Variants in USP53 observed in about 807,000 individuals in gnomAD.
USP53 encodes ubiquitin carboxyl-terminal hydrolase 53.
A neutral mutation model predicts 94.9 loss-of-function variants in USP53; 71 were observed. The ratio of observed to expected loss-of-function variants is 0.75; its 90% CI spans 0.62 to 0.91. The LOEUF (loss-of-function observed/expected upper bound fraction) is 0.91, where lower values mean the gene tolerates loss of function less well. USP53 is among the 40% of genes least tolerant of loss of function. The pLI is 0.00. For missense variants in USP53, 1,173 were observed against 1,281.0 expected (o/e 0.92, Z 1.29); for synonymous variants, 375 against 422.7 (o/e 0.89, Z 1.39).
intron 3 of USP53, chr4:119,220,256 A>C (rs1744333149): frequency 6.6e-6 from 1 of 152,152 alleles, no homozygotes; most frequent in Non-Finnish European, 1.5e-5. Flanking sequence ...ATGGTTTAAA[A>C]AATTATTTAT....
Position 119,292,510 on chromosome 4 carries a change from T to G in USP53, c.2521T>G (p.Leu841Val), listed in dbSNP as rs556710037. ...TATAGAAAATTCTGAGAGAACAGGTTTGCCTTTTCACGTTGATAACTCTGC... is the reference window on the plus strand; with the variant it reads ...TATAGAAAATTCTGAGAGAACAGGTGTGCCTTTTCACGTTGATAACTCTGC... ...LNIENSERTG[L>V]PFHVDNSASG... The change falls in exon 19 of 19, where the codon TTG becomes GTG. Residue 841 changes from leucine (L) to valine (V), a missense_variant. Leu to Val is a conservative substitution (Grantham distance 32). Coordinates refer to ENST00000692078, the MANE Select transcript of USP53 (RefSeq NM_001371395.1). 5.7e-5 allele frequency: 92 copies of G among 1,613,986 alleles called. No individual in the cohort carries two copies. The East Asian group carries it at 2.0e-3, about 36-fold the overall frequency.
chr4:119,265,193 A>C (rs6849889), intron 12 of USP53, among the ~76,000 whole-genome samples: 44,894 of 152,068 alleles, frequency 0.3, 6,749 homozygotes, highest in East Asian at 0.39. Flanking sequence ...TCAAAACTCA[A>C]TGACTTGTAC....
chr4:119,259,687 G>T (rs1315385653), intron 9 of USP53, 133 bp from the exon 10 acceptor site: 15 of 574,808 alleles, frequency 2.6e-5, no homozygotes, highest in South Asian at 9.4e-5. Flanking sequence ...GTACTTTATG[G>T]TTAATTTTTC....
In USP53 at chr4:119,293,183, G is replaced by A. The variant is rs777470248; in HGVS notation, c.3194G>A (p.Ser1065Asn). 6 of 1,605,024 alleles carry A rather than the reference G, an allele frequency of 3.7e-6. No individual in the cohort carries two copies. Among genetic ancestry groups the A allele is most frequent in the South Asian group, 3.3e-5 (3 of 90,110 alleles). ...CCCAAGCTCTCTTTTCCAGAGAGCA[G>A]TGGCTTTTGTAATAATTCACTATCT... is the stretch of plus-strand genomic sequence containing the variant. ...QRPKLSFPES[S>N]GFCNNSLS is the part of the protein sequence containing the mutation. The change falls in exon 19 of 19, where the codon AGT becomes AAT. Residue 1065 changes from serine to asparagine, a missense_variant. By Grantham distance (46) the Ser-to-Asn change is conservative. Coordinates refer to ENST00000692078, the MANE Select transcript of USP53 (RefSeq NM_001371395.1).
intron 7 of USP53, among the ~76,000 whole-genome samples, chr4:119,249,464 G>C (rs1321107377): frequency 6.6e-5 from 10 of 151,958 alleles, no homozygotes; most frequent in Admixed American, 6.6e-4. Flanking sequence ...CATTAATATT[G>C]ATGTCACCTA....
chr4:119,222,770 G>T (rs1744721940), intron 3 of USP53, among the ~76,000 whole-genome samples: 1 of 152,152 alleles, frequency 6.6e-6, no homozygotes, highest in African/African-American at 2.4e-5. Context: ...AAACATGGGA[G>T]TATAGACATC....
Position 119,295,321 on chromosome 4 carries a change from T to G in USP53, c.*2110T>G, listed in dbSNP as rs1191998060. 6.6e-6 allele frequency: 1 copy of G among 152,208 alleles called. No individual in the cohort carries two copies. The highest frequency in any genetic ancestry group is 1.5e-5 in the Non-Finnish European group (1 of 68,028). The allele number at this position is 152,208 out of a possible 1,614,324, so 9.4% of individuals were successfully genotyped here. ...CATATATACTAATCATTTTATTTCA[T>G]GTAAAAGTTTTACATCTAGGGTGCC... On this transcript the variant is annotated 3_prime_UTR_variant, in exon 19 of 19. Coordinates refer to ENST00000692078, the MANE Select transcript of USP53 (RefSeq NM_001371395.1).
Position 119,293,836 on chromosome 4 carries a change from A to T in USP53, c.*625A>T, listed in dbSNP as rs1172668502. 6.8e-6 allele frequency: 1 copy of T among 147,498 alleles called. No homozygotes were observed. Among genetic ancestry groups the T allele is most frequent in the African/African-American group, 2.5e-5 (1 of 39,934 alleles). 9.1% of individuals were successfully genotyped at this position (147,498 alleles called of 1,614,324 possible). ...ATCCCTTTAAGTGTCTTTAAAAAAA[A>T]TGACTTATGAATTTGATAGCATTTG... On this transcript the variant is annotated 3_prime_UTR_variant, in exon 19 of 19. Coordinates refer to ENST00000692078, the MANE Select transcript of USP53 (RefSeq NM_001371395.1).
At chr4:119,262,389 A>G (rs929649898) in intron 12 of USP53, among the ~76,000 whole-genome samples, 8 of 152,084 alleles carry the variant, frequency 5.3e-5, no homozygotes, top group African/African-American at 1.9e-4. Flanking sequence ...CCCACATACC[A>G]CTTTCGACTC....
intron 3 of USP53, among the ~76,000 whole-genome samples, chr4:119,223,764 C>T (rs560288875): frequency 6.6e-6 from 1 of 152,216 alleles, no homozygotes; most frequent in Admixed American, 6.5e-5. Context: ...GTATATAATT[C>T]CTAATTTTAG....
chr4:119,251,690 T>A (rs1749035561), intron 7 of USP53, among the ~76,000 whole-genome samples: 1 of 152,214 alleles, frequency 6.6e-6, no homozygotes, highest in African/African-American at 2.4e-5. Flanking sequence ...TTGCCTGATT[T>A]GACTTCATCT....
intron 3 of USP53, among the ~76,000 whole-genome samples, chr4:119,234,695 G>A (rs28734093): frequency 1.2e-3 from 181 of 152,252 alleles, no homozygotes; most frequent in African/African-American, 4.2e-3. Flanking sequence ...TTGTATGCAA[G>A]GTTTCAGGAT....
intron 3 of USP53, among the ~76,000 whole-genome samples, chr4:119,224,263 G>A (rs1220738048): frequency 6.6e-6 from 1 of 152,222 alleles, no homozygotes; most frequent in African/African-American, 2.4e-5. Context: ...CTCCCAAAGT[G>A]TTGGGATTAC....
chr4:119,233,052 T>C (rs148642870), intron 3 of USP53, among the ~76,000 whole-genome samples: 111 of 152,224 alleles, frequency 7.3e-4, no homozygotes, highest in African/African-American at 2.5e-3. Context: ...TGTATTTTGC[T>C]AGGAAATTAC....
intron 15 of USP53, among the ~76,000 whole-genome samples, chr4:119,270,049 A>G (rs568119817): frequency 8.5e-6 from 1 of 117,780 alleles, no homozygotes; most frequent in Admixed American, 8.3e-5. Flanking sequence ...AATTATATAT[A>G]ATTTATATAG....
chr4:119,280,497 T>G (rs1279721014), intron 17 of USP53, among the ~76,000 whole-genome samples: 1 of 152,104 alleles, frequency 6.6e-6, no homozygotes. Flanking sequence ...TTTATGTCTA[T>G]GGGAAATAGG....
intron 17 of USP53, among the ~76,000 whole-genome samples, chr4:119,277,586 G>C (rs1235980429): frequency 1.7e-5 from 2 of 115,318 alleles, no homozygotes; most frequent in African/African-American, 6.6e-5. Flanking sequence ...GTTGATTTGG[G>C]GTGGAGAGTT....
rs1486452327 is a variant in USP53, at chr4:119,295,226, T to C, written c.*2015T>C. 6.6e-6 allele frequency: 1 copy of C among 151,676 alleles called. No individual in the cohort carries two copies. Among genetic ancestry groups the C allele is most frequent in the Non-Finnish European group, 1.5e-5 (1 of 67,892 alleles). 9.4% of individuals were successfully genotyped at this position (151,676 alleles called of 1,614,324 possible). A position where few individuals can be genotyped will look rare whatever the true frequency, so the allele number is the denominator to read the frequency against. ...TGTCCAGTTGAAACCTCCTGACTCATGTACTACTACACAAACTAGAAAATG... is the reference window on the plus strand; with the variant it reads ...TGTCCAGTTGAAACCTCCTGACTCACGTACTACTACACAAACTAGAAAATG... On this transcript the variant is annotated 3_prime_UTR_variant, in exon 19 of 19. Transcript: ENST00000692078.
At chr4:119,238,856 G>A (rs1470439035) in intron 4 of USP53, among the ~76,000 whole-genome samples, 1 of 152,054 alleles carries the variant, frequency 6.6e-6, no homozygotes, top group African/African-American at 2.4e-5. Flanking sequence ...CATAAAATCT[G>A]TCTTTTTTTG....
Sources: gnomAD v4.1 joint callset for allele counts (sites outside exome capture counted in the v4.1 genomes callset) on GRCh38, gnomAD v4.1.1 for gene constraint, MANE v1.5 for transcripts, NCBI Gene and HGNC (gene_info 2026-07-23, HGNC 2026-07-21) for gene names.